Variants in MYO9B observed in about 807,000 individuals in gnomAD.
MYO9B encodes unconventional myosin-IXb.
A neutral mutation model predicts 229.5 loss-of-function variants in MYO9B; 71 were observed. The observed-to-expected ratio is 0.31, with a 90% CI of 0.26 to 0.38. The LOEUF (loss-of-function observed/expected upper bound fraction) is 0.38, where lower values mean the gene tolerates loss of function less well. Ranked by LOEUF, MYO9B falls within the 10% of genes least tolerant of loss-of-function variation. MYO9B has a pLI of 1.00. For synonymous variants in MYO9B, 1,185 were observed against 1,235.8 expected, an observed-to-expected ratio of 0.96 and a Z score of 0.86; for missense variants, 2,255 against 2,920.5, an observed-to-expected ratio of 0.77 and a Z score of 5.25.
chr19:17,201,833 T>G, intron 26 of MYO9B, 93 bp from the exon 27 acceptor site: 1 of 878,012 alleles, frequency 1.1e-6, no homozygotes. Context: ...GGGGATGACT[T>G]AAGAGAGGAT....
Position 17,206,680 on chromosome 19 carries a change from G to A in MYO9B, c.5388G>A (p.Glu1796=). 1 of 1,568,906 alleles carries A rather than the reference G, an allele frequency of 6.4e-7. No individual in the cohort carries two copies. Among genetic ancestry groups the A allele is most frequent in the East Asian group, 2.4e-5 (1 of 41,946 alleles). ...AQYGDFLRAV[E]LPEKQEQLAA... is the part of the protein sequence containing the mutation. ...GTCCTCAAACCCCACTGCCTGCAGA[G>A]CTGCCGGAGAAGCAGGAGCAGCTGG... The change falls in exon 34 of 40, where the codon GAG becomes GAA. Residue 1796 remains glutamate (E), a splice_region_variant and synonymous_variant. Transcript: ENST00000682292.
At chr19:17,184,128 G>A in intron 16 of MYO9B, 2 of 523,148 alleles carry the variant, frequency 3.8e-6, no homozygotes, top group South Asian at 4.7e-5. Flanking sequence ...GCAGAGAGAA[G>A]GGGTGAGGGA....
chr19:17,149,140 A>G (rs1029708221), intron 3 of MYO9B, among the ~76,000 whole-genome samples: 2 of 151,416 alleles, frequency 1.3e-5, no homozygotes, highest in South Asian at 4.2e-4. Context: ...ACACCTGGCT[A>G]ATTTTTTATT....
chr19:17,174,267 A>G (rs1317211890), intron 13 of MYO9B, among the ~76,000 whole-genome samples: 1 of 151,476 alleles, frequency 6.6e-6, no homozygotes, highest in Non-Finnish European at 1.5e-5. Flanking sequence ...TCCTGACCTC[A>G]CGATCCGTCT....
intron 10 of MYO9B, among the ~76,000 whole-genome samples, chr19:17,166,621 C>G (rs1167120779): frequency 6.6e-6 from 1 of 151,950 alleles, no homozygotes; most frequent in African/African-American, 2.4e-5. Flanking sequence ...CTAGTACCCA[C>G]TAGTTATTTT....
chr19:17,179,093 G>T (rs2072825150), intron 14 of MYO9B, among the ~76,000 whole-genome samples: 1 of 151,742 alleles, frequency 6.6e-6, no homozygotes, highest in Admixed American at 6.6e-5. Context: ...ATTCTCTGGG[G>T]TGGGCACCCG....
chr19:17,198,601 G>T (rs1425766426), intron 24 of MYO9B, among the ~76,000 whole-genome samples: 2 of 152,032 alleles, frequency 1.3e-5, no homozygotes, highest in Non-Finnish European at 2.9e-5. Context: ...TGGGCATGAT[G>T]GCAGGCACCT....
At chr19:17,184,733 AACCTAAGAGCTGCTGCCC>A (rs1194522585) in intron 16 of MYO9B, 114 bp from the exon 17 acceptor site, 30 of 1,232,892 alleles carry the variant, frequency 2.4e-5, no homozygotes, top group Non-Finnish European at 3.2e-5. Context: ...CCTGAGACCA[AACCTAAGAGCTGCTGCCC>A]GGGCACTCGC....
chr19:17,186,059 C>T (rs761281100), intron 18 of MYO9B, 58 bp downstream of exon 18: 9 of 1,498,142 alleles, frequency 6.0e-6, no homozygotes, highest in East Asian at 4.6e-5. Context: ...TTAGGGGTGT[C>T]GGTGTCCCTG....
At chr19:17,146,042 T>TATGG (rs944568221) in intron 3 of MYO9B, among the ~76,000 whole-genome samples, 29 of 150,192 alleles carry the variant, frequency 1.9e-4, no homozygotes, top group Admixed American at 6.0e-4. Context: ...TAGACAGATT[T>TATGG]ATGGATGGAT....
At chr19:17,168,519 G>T (rs1027192630) in intron 11 of MYO9B, among the ~76,000 whole-genome samples, 1 of 152,188 alleles carries the variant, frequency 6.6e-6, no homozygotes, top group Non-Finnish European at 1.5e-5. Context: ...ACCCAAGCTC[G>T]TGTGTGCAAA....
rs1171777857 is a variant in MYO9B at position 17,101,632 on chromosome 19, C to T, written c.-58-28C>T. On this transcript the variant is annotated intron_variant, in intron 1 of 39. Coordinates refer to ENST00000682292, the MANE Select transcript of MYO9B (RefSeq NM_004145.4). This position sits in a 1 kb window ranked among gnomAD's most constrained non-coding sequence, Gnocchi z 4.7. ...CTTAAACTTCCTCCCACCATTCTGA[C>T]CATGCCTGGCTCTGACCTCCCTTCT... 26 of 1,458,890 alleles carry T rather than the reference C, an allele frequency of 1.8e-5. No individual in the cohort carries two copies. The highest frequency in any genetic ancestry group is 2.3e-5 in the Non-Finnish European group (25 of 1,109,336). 90.4% of individuals were successfully genotyped at this position (1,458,890 alleles called of 1,614,324 possible). A position where few individuals can be genotyped will look rare whatever the true frequency, so the allele number is the denominator to read the frequency against.
chr19:17,105,814 A>G (rs7246553), intron 2 of MYO9B, among the ~76,000 whole-genome samples: 112,983 of 152,066 alleles, frequency 0.74, 42,442 homozygotes, highest in African/African-American at 0.82. Flanking sequence ...AATTGGGGTC[A>G]TACAACTTAG....
chr19:17,079,608 G>T (rs935916969), intron 1 of MYO9B, among the ~76,000 whole-genome samples: 5 of 152,286 alleles, frequency 3.3e-5, no homozygotes, highest in African/African-American at 4.8e-5. Flanking sequence ...ACATACTGCT[G>T]AATTTTTGTT....
intron 1 of MYO9B, among the ~76,000 whole-genome samples, chr19:17,085,665 A>T (rs546772148): frequency 2.0e-5 from 3 of 151,342 alleles, no homozygotes; most frequent in Admixed American, 1.3e-4. Context: ...CTTTAATAAA[A>T]AAAAAAAAAA....
At chr19:17,182,990 C>T (rs529378467) in intron 15 of MYO9B, among the ~76,000 whole-genome samples, 61 of 151,820 alleles carry the variant, frequency 4.0e-4, no homozygotes, top group Middle Eastern at 3.4e-3. Context: ...GGCACGATCT[C>T]GGCTCACTGC....
At position 17,210,802 on chromosome 19, in the gene MYO9B, G is replaced by A; in HGVS notation, c.5884G>A (p.Glu1962Lys). The A allele has an allele frequency of 6.3e-7, 1 of 1,595,990 alleles. No homozygotes were observed. The highest frequency in any genetic ancestry group is 8.5e-7 in the Non-Finnish European group (1 of 1,171,900). The change falls in exon 38 of 40, where the codon GAA becomes AAA. Residue 1962 changes from glutamate to lysine, a missense_variant. By Grantham distance (56) the Glu-to-Lys change is moderately conservative. Transcript: ENST00000682292. ...EEAAGGDEDR[E>K]KEILIERIQS... is the part of the protein sequence containing the mutation. ...GGCAGCCGGCGGCGATGAGGACCGG[G>A]AAAAGGAGATTCTCATTGAACGGAT... is the stretch of plus-strand genomic sequence containing the variant.
At chr19:17,114,449 C>T (rs552080612) in intron 2 of MYO9B, among the ~76,000 whole-genome samples, 7 of 152,118 alleles carry the variant, frequency 4.6e-5, no homozygotes, top group African/African-American at 1.7e-4. Context: ...GGCATGTCCT[C>T]GTGTCACCGA....
chr19:17,172,723 A>G lies in MYO9B; in HGVS notation c.1936-36A>G, dbSNP rs1191376096. On this transcript the variant is annotated intron_variant, in intron 12 of 39. Coordinates refer to ENST00000682292, the MANE Select transcript of MYO9B (RefSeq NM_004145.4). The surrounding 1 kb of genome is among the most constrained non-coding windows in gnomAD (Gnocchi z 8.2). Reference sequence around the variant, plus strand: ...CTTTGGTAGGCGCCGGTGAGTGACTATCCCCGAGTGACCGCCCACATCCAT... The same window carrying G: ...CTTTGGTAGGCGCCGGTGAGTGACTGTCCCCGAGTGACCGCCCACATCCAT... 6.2e-7 allele frequency: 1 copy of G among 1,607,930 alleles called. No homozygotes were observed. Among genetic ancestry groups the G allele is most frequent in the Non-Finnish European group, 8.5e-7 (1 of 1,175,184 alleles).
Sources: allele counts gnomAD v4.1 joint callset (sites outside exome capture counted in the v4.1 genomes callset), GRCh38; gene constraint gnomAD v4.1.1; non-coding constraint Gnocchi (gnomAD v3.1); transcripts MANE v1.5; gene names NCBI Gene and HGNC (gene_info 2026-07-23, HGNC 2026-07-21).